Variants in ARB2A observed in about 807,000 individuals in gnomAD.
ARB2A encodes the protein ARB2 cotranscriptional regulator A, also known as cotranscriptional regulator ARB2A.
At chr5:94,018,102 T>C in the ARB2A span, among the ~76,000 whole-genome samples, 1 of 152,182 alleles carries the variant, frequency 6.6e-6, no homozygotes, top group South Asian at 2.1e-4. Flanking sequence ...CAATTAAACA[T>C]ATTTTCATTC....
the ARB2A span, among the ~76,000 whole-genome samples, chr5:93,955,626 T>G: frequency 6.6e-6 from 1 of 152,232 alleles, no homozygotes; most frequent in Non-Finnish European, 1.5e-5. Flanking sequence ...AACTTTTACT[T>G]TTTTACTGAT....
chr5:93,779,124 T>TGTGTGTGTGTGTGTGTGC, the ARB2A span, among the ~76,000 whole-genome samples: 7 of 146,394 alleles, frequency 4.8e-5, no homozygotes, highest in African/African-American at 1.8e-4. Flanking sequence ...TGTGTGTGTG[T>TGTGTGTGTGTGTGTGTGC]GCGCGCGCGC....
At chr5:93,785,974 T>A in the ARB2A span, among the ~76,000 whole-genome samples, 1 of 152,198 alleles carries the variant, frequency 6.6e-6, no homozygotes, top group African/African-American at 2.4e-5. Flanking sequence ...AAACCCCAAA[T>A]TCCACAATAT....
the ARB2A span, among the ~76,000 whole-genome samples, chr5:94,095,597 T>A: frequency 6.6e-6 from 1 of 151,748 alleles, no homozygotes; most frequent in Non-Finnish European, 1.5e-5. Context: ...ATCTAGAATG[T>A]CTTTCTGCTT....
At chr5:94,029,870 T>C in the ARB2A span, among the ~76,000 whole-genome samples, 2 of 152,200 alleles carry the variant, frequency 1.3e-5, no homozygotes, top group Admixed American at 6.5e-5. Context: ...CTTAAAGACA[T>C]ACCCAAGACT....
the ARB2A span, among the ~76,000 whole-genome samples, chr5:94,043,374 T>C: frequency 2.0e-5 from 3 of 152,232 alleles, no homozygotes; most frequent in African/African-American, 7.2e-5. Flanking sequence ...GTGAACAAAA[T>C]TTGAAGGATA....
chr5:93,978,352 T>C, the ARB2A span, among the ~76,000 whole-genome samples: 1 of 152,058 alleles, frequency 6.6e-6, no homozygotes. Context: ...AGCAAAGACA[T>C]AGAGTCAACC....
the ARB2A span, among the ~76,000 whole-genome samples, chr5:93,915,867 C>A: frequency 6.6e-6 from 1 of 151,956 alleles, no homozygotes; most frequent in Non-Finnish European, 1.5e-5. Flanking sequence ...TAGAAGCATT[C>A]CAGAAGAAAG....
the ARB2A span, among the ~76,000 whole-genome samples, chr5:93,819,088 AG>A: frequency 2.8e-5 from 4 of 144,396 alleles, no homozygotes; most frequent in Non-Finnish European, 6.0e-5. Flanking sequence ...CAGGAGGCTG[AG>A]GCAGGAGAAT....
At chr5:93,694,300 GC>G in the ARB2A span, among the ~76,000 whole-genome samples, 1 of 152,174 alleles carries the variant, frequency 6.6e-6, no homozygotes, top group Non-Finnish European at 1.5e-5. Context: ...CATCGTTTCA[GC>G]CCCGAATCCC....
the ARB2A span, among the ~76,000 whole-genome samples, chr5:93,969,335 G>T: frequency 6.6e-6 from 1 of 151,942 alleles, no homozygotes; most frequent in East Asian, 1.9e-4. Flanking sequence ...TACACATGAA[G>T]ATGTCTAGTG....
the ARB2A span, among the ~76,000 whole-genome samples, chr5:93,750,585 A>G: frequency 6.6e-6 from 1 of 152,150 alleles, no homozygotes; most frequent in East Asian, 1.9e-4. Flanking sequence ...GCAGCAGCAC[A>G]CTCATGGGTG....
the ARB2A span, among the ~76,000 whole-genome samples, chr5:93,944,729 AAG>A: frequency 1.3e-5 from 2 of 152,022 alleles, no homozygotes; most frequent in African/African-American, 2.4e-5. Context: ...AAAAAGAAGA[AAG>A]AGGGGTGGTA....
the ARB2A span, among the ~76,000 whole-genome samples, chr5:93,989,830 A>G: frequency 6.6e-6 from 1 of 152,160 alleles, no homozygotes; most frequent in African/African-American, 2.4e-5. Context: ...TCCTGAACTC[A>G]GGCACTCAGT....
chr5:93,903,786 G>A, the ARB2A span, among the ~76,000 whole-genome samples: 1 of 151,460 alleles, frequency 6.6e-6, no homozygotes, highest in African/African-American at 2.4e-5. Context: ...CCACATAGCA[G>A]ATAGTCCTAG....
At chr5:93,925,727 C>A in the ARB2A span, among the ~76,000 whole-genome samples, 4 of 152,058 alleles carry the variant, frequency 2.6e-5, no homozygotes, top group Admixed American at 1.3e-4. Flanking sequence ...TCCCCCTTAT[C>A]CATGGGGAGA....
At chr5:93,941,496 C>T in the ARB2A span, among the ~76,000 whole-genome samples, 1 of 152,250 alleles carries the variant, frequency 6.6e-6, no homozygotes, top group African/African-American at 2.4e-5. Flanking sequence ...TTAAACTCAT[C>T]TCAACCTCCA....
chr5:93,828,711 A>G, the ARB2A span, among the ~76,000 whole-genome samples: 8 of 152,066 alleles, frequency 5.3e-5, no homozygotes, highest in African/African-American at 1.9e-4. Context: ...TTGCCAAGTT[A>G]CTCACTCCCT....
At chr5:93,772,079 GGATTAAGAAAAT>G in the ARB2A span, among the ~76,000 whole-genome samples, 1 of 152,120 alleles carries the variant, frequency 6.6e-6, no homozygotes. Context: ...ATGATAGACT[GGATTAAGAAAAT>G]GTGGCACAAA....
Sources: allele counts gnomAD v4.1 joint callset (sites outside exome capture counted in the v4.1 genomes callset), GRCh38; gene constraint gnomAD v4.1.1; transcripts MANE v1.5; gene names NCBI Gene and HGNC (gene_info 2026-07-23, HGNC 2026-07-21).